Variants in AUTS2 observed in about 807,000 individuals in gnomAD.
The protein encoded by AUTS2 is autism susceptibility gene 2 protein.
AUTS2 carries 17 observed loss-of-function variants against 112.4 expected under a neutral mutation model. That is an observed-to-expected ratio of 0.15 (90% CI 0.10 to 0.23). The LOEUF is 0.23. AUTS2 is among the 10% of genes least tolerant of loss of function. The pLI is 1.00. For missense variants in AUTS2, 1,510 were observed against 1,701.6 expected (o/e 0.89, Z 1.98); for synonymous variants, 751 against 702.7 (o/e 1.07, Z -1.09).
At chr7:70,095,173 C>A (rs1048889806) in intron 2 of AUTS2, among the ~76,000 whole-genome samples, 4 of 152,074 alleles carry the variant, frequency 2.6e-5, no homozygotes, top group African/African-American at 9.7e-5. Flanking sequence ...GCTGCCTGCT[C>A]CAGACAAGCA....
chr7:70,118,982 A>C (rs1354124182), intron 3 of AUTS2: 1 of 146,652 alleles, frequency 6.8e-6, no homozygotes, highest in East Asian at 2.0e-4. Flanking sequence ...CATATGTCAT[A>C]TATCAGCATT....
intron 3 of AUTS2, among the ~76,000 whole-genome samples, chr7:70,124,132 T>C (rs1293255498): frequency 1.3e-5 from 2 of 152,236 alleles, no homozygotes; most frequent in Non-Finnish European, 2.9e-5. Context: ...TGTATAGGCT[T>C]GTTGGCTGCA....
At chr7:70,522,127 G>A (rs182197979) in intron 5 of AUTS2, among the ~76,000 whole-genome samples, 60 of 152,290 alleles carry the variant, frequency 3.9e-4, no homozygotes, top group Admixed American at 3.6e-3. Flanking sequence ...CTCAGTAGGT[G>A]TGACGTTTAA....
chr7:70,274,186 T>C (rs1787824472), intron 4 of AUTS2, among the ~76,000 whole-genome samples: 1 of 152,118 alleles, frequency 6.6e-6, no homozygotes, highest in South Asian at 2.1e-4. Context: ...TTCTTGATAT[T>C]TTCTTCTGCC....
At chr7:69,890,578 C>T (rs1794475124) in intron 1 of AUTS2, among the ~76,000 whole-genome samples, 13 of 151,826 alleles carry the variant, frequency 8.6e-5, no homozygotes, top group Admixed American at 7.2e-4. Context: ...TATTGGCTAA[C>T]GTGCTCATGG....
intron 2 of AUTS2, among the ~76,000 whole-genome samples, chr7:69,946,275 A>G (rs1026699789): frequency 1.2e-4 from 18 of 152,156 alleles, no homozygotes; most frequent in Non-Finnish European, 2.4e-4. Flanking sequence ...AGGGTTTCCA[A>G]TGGTGTGTAG....
chr7:70,213,595 T>C (rs992431394), intron 4 of AUTS2, among the ~76,000 whole-genome samples: 38 of 151,982 alleles, frequency 2.5e-4, no homozygotes, highest in African/African-American at 9.2e-4. Context: ...ACAGTACTAA[T>C]GTATGAAAAT....
intron 2 of AUTS2, among the ~76,000 whole-genome samples, chr7:70,078,690 C>T (rs550101773): frequency 6.6e-6 from 1 of 152,126 alleles, no homozygotes; most frequent in African/African-American, 2.4e-5. Flanking sequence ...TCCCCCCAAC[C>T]CCTGAAGGGA....
chr7:69,919,081 A>G (rs1340373675), intron 2 of AUTS2, among the ~76,000 whole-genome samples: 3 of 152,198 alleles, frequency 2.0e-5, no homozygotes, highest in Non-Finnish European at 2.9e-5. Flanking sequence ...CTATTGTCAT[A>G]TATGTCGACC....
At chr7:69,600,041 G>T (rs1404892495) in intron 1 of AUTS2, 79 bp downstream of exon 1, 1 of 1,441,694 alleles carries the variant, frequency 6.9e-7, no homozygotes, top group South Asian at 1.2e-5. Context: ...TGCCTCCCTC[G>T]CCGCGCTCCG....
chr7:70,349,953 A>T (rs562474220), intron 4 of AUTS2, among the ~76,000 whole-genome samples: 7 of 152,326 alleles, frequency 4.6e-5, no homozygotes, highest in African/African-American at 1.2e-4. Context: ...AAGAACTGGG[A>T]CAGTGTTGGA....
In AUTS2 at chr7:69,798,501, A is replaced by AT. The variant is rs368100980; in HGVS notation, c.310-100776dup. 4.1e-3 allele frequency among the ~76,000 whole-genome samples: 626 copies of AT among 151,502 alleles called. 6 individuals are homozygous for AT. The highest frequency in any genetic ancestry group is 0.014 in the African/African-American group (580 of 41,290). On this transcript the variant is annotated intron_variant, in intron 1 of 18. Coordinates refer to ENST00000342771, the MANE Select transcript of AUTS2 (RefSeq NM_015570.4). ...AAAGTACTCCTAACTGTGGCCCCTA[A>AT]TTTTTTTTTGTTATGTATCTTTTCT...
chr7:70,244,358 A>G (rs1040923991), intron 4 of AUTS2, among the ~76,000 whole-genome samples: 8 of 152,238 alleles, frequency 5.3e-5, no homozygotes, highest in African/African-American at 1.9e-4. Context: ...CTTAAGTTAG[A>G]GAGGCATTTA....
At chr7:69,969,315 G>A (rs1406647092) in intron 2 of AUTS2, among the ~76,000 whole-genome samples, 1 of 152,148 alleles carries the variant, frequency 6.6e-6, no homozygotes, top group Admixed American at 6.5e-5. Flanking sequence ...GAATTACCAT[G>A]CTGCTATTCC....
intron 4 of AUTS2, among the ~76,000 whole-genome samples, chr7:70,147,841 A>G (rs1046751940): frequency 6.6e-6 from 1 of 152,122 alleles, no homozygotes; most frequent in African/African-American, 2.4e-5. Context: ...ATGATCACTG[A>G]ATGGCACTCT....
intron 1 of AUTS2, among the ~76,000 whole-genome samples, chr7:69,854,952 A>G (rs1792652323): frequency 6.6e-6 from 1 of 152,176 alleles, no homozygotes; most frequent in Admixed American, 6.5e-5. Flanking sequence ...ATTTTGGGGA[A>G]GATATTGATA....
intron 6 of AUTS2, among the ~76,000 whole-genome samples, chr7:70,707,074 G>T (rs561292872): frequency 3.9e-5 from 6 of 152,336 alleles, no homozygotes; most frequent in African/African-American, 1.4e-4. Flanking sequence ...CTGTGAGGAT[G>T]AAACGAGGCA....
At chr7:70,699,548 G>A (rs1035748929) in intron 6 of AUTS2, 1 of 152,256 alleles carries the variant, frequency 6.6e-6, no homozygotes, top group South Asian at 2.1e-4. Context: ...ATTTCCAAGT[G>A]CAGTTATTTT....
intron 5 of AUTS2, among the ~76,000 whole-genome samples, chr7:70,691,464 A>T (rs920901052): frequency 6.6e-6 from 1 of 151,250 alleles, no homozygotes; most frequent in African/African-American, 2.4e-5. Flanking sequence ...AAGCCCTCTG[A>T]CCTGGATTCA....
Sources: gnomAD v4.1 joint callset for allele counts (sites outside exome capture counted in the v4.1 genomes callset) on GRCh38, gnomAD v4.1.1 for gene constraint, MANE v1.5 for transcripts, NCBI Gene and HGNC (gene_info 2026-07-23, HGNC 2026-07-21) for gene names.